RIMS1: variants seen among roughly 807,000 people sequenced by gnomAD.
RIMS1 encodes the protein regulating synaptic membrane exocytosis protein 1.
A neutral mutation model predicts 214.1 loss-of-function variants in RIMS1; 83 were observed. That is an observed-to-expected ratio of 0.39 (90% confidence interval 0.32 to 0.47). The LOEUF is 0.47. Ranked by LOEUF, RIMS1 falls within the 20% of genes least tolerant of loss-of-function variation. The pLI is 0.99. For synonymous variants in RIMS1, 793 were observed against 786.8 expected, an observed-to-expected ratio of 1.01 and a Z score of -0.13; for missense variants, 2,050 against 2,161.8, an observed-to-expected ratio of 0.95 and a Z score of 1.03.
intron 4 of RIMS1, among the ~76,000 whole-genome samples, chr6:72,123,087 C>T (rs2038759917): frequency 6.6e-6 from 1 of 151,372 alleles, no homozygotes; most frequent in Non-Finnish European, 1.5e-5. Flanking sequence ...TAGATCTTTC[C>T]CGCTTTCTCT....
At chr6:72,095,834 G>A (rs2153802343) in intron 2 of RIMS1, among the ~76,000 whole-genome samples, 1 of 152,290 alleles carries the variant, frequency 6.6e-6, no homozygotes, top group Non-Finnish European at 1.5e-5. Flanking sequence ...TGTACTCTGT[G>A]TCCTAGGGAA....
At chr6:72,003,521 T>G (rs1291720545) in intron 2 of RIMS1, among the ~76,000 whole-genome samples, 1 of 152,056 alleles carries the variant, frequency 6.6e-6, no homozygotes, top group Non-Finnish European at 1.5e-5. Flanking sequence ...TTCAGCTTAC[T>G]CAAGTTAACA....
intron 2 of RIMS1, among the ~76,000 whole-genome samples, chr6:72,005,694 T>A (rs920127942): frequency 6.6e-6 from 1 of 152,216 alleles, no homozygotes; most frequent in African/African-American, 2.4e-5. Context: ...AGGCTGTTTT[T>A]AACAGTATTT....
At chr6:72,316,655 G>A in intron 28 of RIMS1, 1 of 537,930 alleles carries the variant, frequency 1.9e-6, no homozygotes, top group Admixed American at 2.3e-5. Context: ...TCCCAAGCAT[G>A]GCTGACCCAA....
chr6:72,333,464 G>A, intron 28 of RIMS1, 136 bp from the exon 29 acceptor site: 2 of 649,798 alleles, frequency 3.1e-6, no homozygotes, highest in Non-Finnish European at 5.5e-6. Context: ...GTATTTGTAG[G>A]TATAGATCCA....
intron 23 of RIMS1, among the ~76,000 whole-genome samples, chr6:72,278,374 T>C (rs936421848): frequency 1.3e-5 from 2 of 152,234 alleles, no homozygotes; most frequent in Middle Eastern, 3.4e-3. Context: ...ATAACCAAAT[T>C]TGTGTAGTTT....
chr6:72,278,493 A>G (rs1002969958), intron 23 of RIMS1, among the ~76,000 whole-genome samples: 4 of 152,100 alleles, frequency 2.6e-5, no homozygotes, highest in Non-Finnish European at 5.9e-5. Context: ...CTCCTTTGAA[A>G]ATATTCTGGG....
At chr6:72,317,905 T>C (rs1563980683) in intron 28 of RIMS1, among the ~76,000 whole-genome samples, 1 of 152,210 alleles carries the variant, frequency 6.6e-6, no homozygotes, top group Non-Finnish European at 1.5e-5. Context: ...TATATGAGAT[T>C]ACTTAATTAG....
chr6:72,133,985 G>A (rs768218336), intron 4 of RIMS1, among the ~76,000 whole-genome samples: 1 of 152,124 alleles, frequency 6.6e-6, no homozygotes, highest in Admixed American at 6.6e-5. Flanking sequence ...TTGCAAAGTG[G>A]AGTTAGTAAT....
chr6:71,924,807 CAA>C (rs10652071), intron 1 of RIMS1, among the ~76,000 whole-genome samples: 12 of 62,076 alleles, frequency 1.9e-4, no homozygotes, highest in Admixed American at 4.4e-4. Flanking sequence ...ACCCTGTCTC[CAA>C]AAAAAAAAAA....
chr6:71,920,181 G>A (rs1190936276), intron 1 of RIMS1, among the ~76,000 whole-genome samples: 1 of 152,158 alleles, frequency 6.6e-6, no homozygotes, highest in Non-Finnish European at 1.5e-5. Flanking sequence ...TTTCAGAGAA[G>A]ATTCATTCAC....
intron 2 of RIMS1, among the ~76,000 whole-genome samples, chr6:72,005,514 G>T (rs1807158244): frequency 1.3e-5 from 2 of 152,174 alleles, no homozygotes; most frequent in African/African-American, 4.8e-5. Flanking sequence ...TGGGAAACAG[G>T]TTACTTATTT....
At chr6:71,970,428 C>CA (rs1795575107) in intron 2 of RIMS1, among the ~76,000 whole-genome samples, 1 of 152,122 alleles carries the variant, frequency 6.6e-6, no homozygotes, top group Admixed American at 6.5e-5. Context: ...GAGGAATTAA[C>CA]ATTGATTTTA....
At chr6:71,898,161 T>C in intron 1 of RIMS1, among the ~76,000 whole-genome samples, 1 of 152,292 alleles carries the variant, frequency 6.6e-6, no homozygotes, top group Non-Finnish European at 1.5e-5. Flanking sequence ...ATGTAAATTA[T>C]ATATTTTAAA....
In RIMS1 at chr6:72,251,258, A is replaced by G. The variant is rs1195787243; in HGVS notation, c.2588A>G (p.His863Arg). 1.3e-6 allele frequency: 2 copies of G among 1,598,880 alleles called. No individual in the cohort carries two copies. Among genetic ancestry groups the G allele is most frequent in the Non-Finnish European group, 1.7e-6 (2 of 1,171,782 alleles). The change falls in exon 15 of 34, where the codon CAT (histidine) becomes CGT (arginine). Residue 863 changes from histidine (H) to arginine (R), a missense_variant. By Grantham distance (29) the His-to-Arg change is conservative. This residue lies in a region of RIMS1 where 889 missense variants were observed against 885.5 expected (regional missense o/e 1.00). Coordinates refer to ENST00000521978, the MANE Select transcript of RIMS1 (RefSeq NM_014989.7). ...ACAGCGCTTTTAGATGATGAACCGC[A>G]TTGGTATAAACTTCAGACACATGAT... is the stretch of plus-strand genomic sequence containing the variant. Reference protein sequence around the residue: ...LETALLDDEPHWYKLQTHDES... With the variant: ...LETALLDDEPRWYKLQTHDES...
At chr6:72,391,477 A>C (rs982208962) in intron 30 of RIMS1, among the ~76,000 whole-genome samples, 2 of 151,838 alleles carry the variant, frequency 1.3e-5, no homozygotes, top group Non-Finnish European at 2.9e-5. Context: ...TAAGTAATTA[A>C]TGTGTTGTTT....
Position 71,915,506 on chromosome 6 carries a change from C to T in RIMS1, c.164+28319C>T, listed in dbSNP as rs944171679. Among the ~76,000 whole-genome samples, 3 of 152,134 alleles carry T rather than the reference C, an allele frequency of 2.0e-5. 1 individual carries two copies. In the East Asian group the frequency reaches 5.8e-4, roughly 29 times the overall value. The stretch of plus-strand genomic sequence containing the variant: ...CCTGTGAATCTTTTTCACTTGAGAA[C>T]ACCTAGTATCCCTTGCTCCACAAAC... On this transcript the variant is annotated intron_variant, in intron 1 of 33. Transcript: ENST00000521978.
chr6:72,300,909 C>T (rs976380000), intron 26 of RIMS1, among the ~76,000 whole-genome samples: 1 of 151,698 alleles, frequency 6.6e-6, no homozygotes, highest in Admixed American at 6.6e-5. Flanking sequence ...TGCAGTGAGA[C>T]TTAAGTGATT....
intron 2 of RIMS1, among the ~76,000 whole-genome samples, chr6:72,071,080 A>C (rs531493225): frequency 6.6e-5 from 10 of 152,324 alleles, no homozygotes; most frequent in African/African-American, 2.4e-4. Context: ...CAGAATATAC[A>C]TTACACTTCA....
Sources: allele counts gnomAD v4.1 joint callset (sites outside exome capture counted in the v4.1 genomes callset), GRCh38; gene constraint gnomAD v4.1.1; regional missense constraint gnomAD v4.1.1; transcripts MANE v1.5; gene names NCBI Gene and HGNC (gene_info 2026-07-23, HGNC 2026-07-21).